The following PIK3R3 variants were observed in gnomAD, a reference collection of about 807,000 sequenced individuals.
PIK3R3 encodes the protein phosphoinositide-3-kinase regulatory subunit 3, also known as phosphatidylinositol 3-kinase regulatory subunit gamma.
Under a neutral mutation model 62.9 loss-of-function variants are expected in PIK3R3, and 64 were observed. That is an observed-to-expected ratio of 1.02 (90% CI 0.83 to 1.25). PIK3R3 has a LOEUF of 1.25. Ranked by LOEUF, PIK3R3 falls within the 50% of genes most tolerant of loss-of-function variation. The probability of loss-of-function intolerance (pLI) is 0.00; values close to 1 mark genes in which losing one functional copy is unlikely to be tolerated. For missense variants in PIK3R3, 614 were observed against 561.6 expected, an observed-to-expected ratio of 1.09 and a Z score of -0.94; for synonymous variants, 165 against 189.0, an observed-to-expected ratio of 0.87 and a Z score of 1.04.
chr1:46,170,722 T>C, the PIK3R3 span, among the ~76,000 whole-genome samples: 2 of 152,196 alleles, frequency 1.3e-5, no homozygotes, highest in South Asian at 4.1e-4. Context: ...CGCCTGGCCC[T>C]GCCTGGTTTA....
the PIK3R3 span, among the ~76,000 whole-genome samples, chr1:46,152,338 T>A: frequency 6.6e-6 from 1 of 152,158 alleles, no homozygotes; most frequent in East Asian, 1.9e-4. Flanking sequence ...AAGAGCACTC[T>A]TTCCCCATGC....
intron 2 of PIK3R3, among the ~76,000 whole-genome samples, chr1:46,078,192 T>A (rs930060705): frequency 6.6e-6 from 1 of 152,062 alleles, no homozygotes; most frequent in African/African-American, 2.4e-5. Flanking sequence ...TCTTAAAATT[T>A]AAAAAAAGAC....
In PIK3R3 at chr1:46,040,306, C is replaced by T; in HGVS notation, c.*3367G>A. 4.3e-6 allele frequency: 1 copy of T among 232,248 alleles called. No homozygotes were observed. Among genetic ancestry groups the T allele is most frequent in the Non-Finnish European group, 8.5e-6 (1 of 117,156 alleles). The allele number at this position is 232,248 out of a possible 1,614,324, so 14.4% of individuals were successfully genotyped here. A position where few individuals can be genotyped will look rare whatever the true frequency, so the allele number is the denominator to read the frequency against. ...GTCTGAACACATCTGGTGACAAGAA[C>T]AATTTGTAAAGTGGTCTAGCAACTA... is the stretch of plus-strand genomic sequence containing the variant. On this transcript the variant is annotated 3_prime_UTR_variant, in exon 10 of 10. Transcript: ENST00000262741.
At chr1:46,080,777 T>A (rs770671330) in intron 1 of PIK3R3, 27 bp from the exon 2 acceptor site, 2 of 1,407,442 alleles carry the variant, frequency 1.4e-6, no homozygotes, top group Non-Finnish European at 2.0e-6. Flanking sequence ...TATTACTCTG[T>A]AGATGTAAAT....
At chr1:46,159,994 T>G in the PIK3R3 span, among the ~76,000 whole-genome samples, 1 of 152,152 alleles carries the variant, frequency 6.6e-6, no homozygotes, top group East Asian at 1.9e-4. Flanking sequence ...AAAAACCTCA[T>G]TTTTTTATTC....
chr1:46,160,686 C>T, the PIK3R3 span, among the ~76,000 whole-genome samples: 2 of 152,216 alleles, frequency 1.3e-5, no homozygotes, highest in Non-Finnish European at 2.9e-5. Context: ...TCCTTAATCC[C>T]GTAATAGGAG....
At chr1:46,114,819 T>G (rs1188890047) in intron 1 of PIK3R3, among the ~76,000 whole-genome samples, 1 of 150,402 alleles carries the variant, frequency 6.6e-6, no homozygotes, top group Admixed American at 6.6e-5. Flanking sequence ...TTCACCATGT[T>G]GCCCAGGCTG....
the PIK3R3 span, among the ~76,000 whole-genome samples, chr1:46,165,932 G>A: frequency 2.0e-5 from 3 of 151,128 alleles, no homozygotes; most frequent in East Asian, 2.0e-4. Context: ...CACCGCACCC[G>A]GCTAATTTTT....
rs577577072 is a variant in PIK3R3 at position 46,068,856 on chromosome 1, AG to A, written c.315-1766del. 3.7e-3 allele frequency among the ~76,000 whole-genome samples: 564 copies of A among 152,296 alleles called. 1 individual carries two copies. Among genetic ancestry groups the A allele is most frequent in the Non-Finnish European group, 5.6e-3 (379 of 68,038 alleles). On this transcript the variant is annotated intron_variant, in intron 3 of 9. Transcript: ENST00000262741. ...GGGCTTTAGCTTTTACTGAGTGAGA[AG>A]GGGAGGCACAAAAAGGTTTTCAGTA...
At position 46,101,516 on chromosome 1, in the gene PIK3R3, AAAC is replaced by A. The variant is rs530594517; in HGVS notation, c.107-20769_107-20767del. On this transcript the variant is annotated intron_variant, in intron 1 of 9. Coordinates refer to ENST00000262741, the MANE Select transcript of PIK3R3 (RefSeq NM_003629.4). ...AAGACTCTGTTTCAAAGAAGCAAAC[AAAC>A]AACAACACAAAAAAAACCCAAATGT... 5.6e-4 allele frequency among the ~76,000 whole-genome samples: 85 copies of A among 152,322 alleles called. No homozygotes were observed. In the East Asian group the frequency reaches 0.013, roughly 24 times the overall value.
At chr1:46,153,042 A>G in the PIK3R3 span, among the ~76,000 whole-genome samples, 1 of 152,146 alleles carries the variant, frequency 6.6e-6, no homozygotes, top group Admixed American at 6.6e-5. Flanking sequence ...CTGGAAGTCT[A>G]TATCTACCTC....
At chr1:46,091,993 G>GT (rs1651680688) in intron 1 of PIK3R3, among the ~76,000 whole-genome samples, 4 of 151,860 alleles carry the variant, frequency 2.6e-5, no homozygotes, top group Admixed American at 2.6e-4. Flanking sequence ...CTAATCCACA[G>GT]TTGTTTGTTA....
At chr1:46,163,697 C>A in the PIK3R3 span, among the ~76,000 whole-genome samples, 1 of 152,172 alleles carries the variant, frequency 6.6e-6, no homozygotes, top group Non-Finnish European at 1.5e-5. Flanking sequence ...TGGTGCTTTC[C>A]CTGCCCTCTT....
At chr1:46,159,253 C>T in the PIK3R3 span, among the ~76,000 whole-genome samples, 15 of 152,302 alleles carry the variant, frequency 9.8e-5, no homozygotes, top group East Asian at 2.9e-3. Context: ...TTTTCAGTCT[C>T]TTTCCACTAG....
At chr1:46,124,144 G>A (rs977811106) in intron 1 of PIK3R3, among the ~76,000 whole-genome samples, 1 of 152,072 alleles carries the variant, frequency 6.6e-6, no homozygotes, top group Non-Finnish European at 1.5e-5. Context: ...TCAATAAGAA[G>A]CTCTAAATAC....
chr1:46,088,279 A>C (rs10157594), intron 1 of PIK3R3, among the ~76,000 whole-genome samples: 5,052 of 151,700 alleles, frequency 0.033, 282 homozygotes, highest in African/African-American at 0.12. Flanking sequence ...GATAAATTAC[A>C]TGTTACATAT....
At chr1:46,097,510 T>C (rs11211256) in intron 1 of PIK3R3, among the ~76,000 whole-genome samples, 2,364 of 152,286 alleles carry the variant, frequency 0.016, 59 homozygotes, top group African/African-American at 0.054. Flanking sequence ...TAATTCATGA[T>C]GACAAACTGA....
At chr1:46,155,453 C>CTT in the PIK3R3 span, among the ~76,000 whole-genome samples, 22 of 145,658 alleles carry the variant, frequency 1.5e-4, no homozygotes, top group African/African-American at 5.5e-4. Context: ...TCTTTTTTTC[C>CTT]TTTTTTTTTT....
At chr1:46,062,261 G>C (rs1431576901) in intron 5 of PIK3R3, among the ~76,000 whole-genome samples, 190 bp from the exon 6 acceptor site, 3 of 152,110 alleles carry the variant, frequency 2.0e-5, no homozygotes, top group East Asian at 1.9e-4. Flanking sequence ...TCTATTACTT[G>C]TATGTAAAAT....
Sources: gnomAD v4.1 joint callset for allele counts (sites outside exome capture counted in the v4.1 genomes callset) on GRCh38, gnomAD v4.1.1 for gene constraint, MANE v1.5 for transcripts, NCBI Gene and HGNC (gene_info 2026-07-23, HGNC 2026-07-21) for gene names.